The following PCDH15 variants were observed in gnomAD, a reference collection of about 807,000 sequenced individuals.
PCDH15 encodes protocadherin-15.
A neutral mutation model predicts 178.5 loss-of-function variants in PCDH15; 129 were observed. The observed-to-expected ratio is 0.72, with a 90% CI of 0.63 to 0.84. The LOEUF is 0.84. Ranked by LOEUF, PCDH15 falls within the 40% of genes least tolerant of loss-of-function variation. The pLI, the probability that PCDH15 is intolerant of heterozygous loss-of-function variation, is 0.00. For synonymous variants in PCDH15, 800 were observed against 732.0 expected (o/e 1.09, Z -1.50); for missense variants, 2,230 against 2,099.9 (o/e 1.06, Z -1.21).
chr10:53,805,500 T>C lies in PCDH15; in HGVS notation c.*1079A>G, dbSNP rs1227365827. The C allele has an allele frequency of 6.6e-6, 1 of 152,150 alleles. No homozygotes were observed. Among genetic ancestry groups the C allele is most frequent in the Non-Finnish European group, 1.5e-5 (1 of 68,006 alleles). The allele number at this position is 152,150 out of a possible 1,614,324, so 9.4% of individuals were successfully genotyped here. ...AAAAAATGCCCAGGCAATGATTTCC[T>C]GGTTCTGGATTTTAGGCACATAAAT... On this transcript the variant is annotated 3_prime_UTR_variant, in exon 38 of 38. Coordinates refer to ENST00000644397, the MANE Select transcript of PCDH15 (RefSeq NM_001384140.1).
chr10:55,280,299 A>C (rs1462324277), intron 1 of PCDH15, among the ~76,000 whole-genome samples: 1 of 90,236 alleles, frequency 1.1e-5, no homozygotes, highest in Non-Finnish European at 2.0e-5. Flanking sequence ...TTTTTTTGAG[A>C]CGGTGTTTTG....
At chr10:54,942,613 G>T (rs1029023043) in intron 2 of PCDH15, among the ~76,000 whole-genome samples, 1 of 151,942 alleles carries the variant, frequency 6.6e-6, no homozygotes, top group African/African-American at 2.4e-5. Flanking sequence ...ACTTATCACA[G>T]CCACACATCT....
intron 5 of PCDH15, among the ~76,000 whole-genome samples, chr10:54,348,144 G>A (rs778747330): frequency 3.3e-5 from 5 of 151,994 alleles, no homozygotes; most frequent in Admixed American, 6.5e-5. Context: ...CACCGCGCCC[G>A]GCTGACAACA....
intron 13 of PCDH15, among the ~76,000 whole-genome samples, chr10:54,165,909 A>G (rs991630109): frequency 5.3e-5 from 8 of 152,230 alleles, no homozygotes; most frequent in Non-Finnish European, 1.5e-5. Flanking sequence ...GTGCTCTAGG[A>G]AAGGAGATGA....
chr10:54,962,789 G>T (rs1838689214), intron 2 of PCDH15, among the ~76,000 whole-genome samples: 1 of 152,118 alleles, frequency 6.6e-6, no homozygotes, highest in Admixed American at 6.5e-5. Flanking sequence ...AGCAGGCATG[G>T]GATCCGGGAT....
chr10:53,846,177 G>C (rs944652437), intron 28 of PCDH15, among the ~76,000 whole-genome samples: 1 of 151,770 alleles, frequency 6.6e-6, no homozygotes, highest in Admixed American at 6.6e-5. Flanking sequence ...TGATTATGTC[G>C]AGCATTCTCA....
At chr10:55,598,267 G>A (rs1488246705) in intron 2 of PCDH15, among the ~76,000 whole-genome samples, 1 of 151,660 alleles carries the variant, frequency 6.6e-6, no homozygotes, top group Non-Finnish European at 1.5e-5. Flanking sequence ...CTACGAAAGG[G>A]ACTTTAATGT....
intron 2 of PCDH15, among the ~76,000 whole-genome samples, chr10:55,046,028 G>A (rs1313250512): frequency 6.6e-6 from 1 of 152,030 alleles, no homozygotes; most frequent in Non-Finnish European, 1.5e-5. Context: ...ATTAACTTTA[G>A]TGAAATTCTT....
chr10:54,087,516 T>C (rs1300208079), intron 16 of PCDH15, among the ~76,000 whole-genome samples: 1 of 152,206 alleles, frequency 6.6e-6, no homozygotes, highest in African/African-American at 2.4e-5. Flanking sequence ...ATTATATTAT[T>C]ACAGACAGGC....
intron 2 of PCDH15, among the ~76,000 whole-genome samples, chr10:54,907,164 A>T (rs3900931): frequency 0.97 from 147,826 of 152,196 alleles, 71,930 homozygotes; most frequent in East Asian, 1. Flanking sequence ...AAATGTATAT[A>T]TTTCTCTGGG....
chr10:54,062,958 T>G (rs1405340272), intron 18 of PCDH15, among the ~76,000 whole-genome samples: 1 of 152,208 alleles, frequency 6.6e-6, no homozygotes. Context: ...TTTAACTGAA[T>G]AGTTAATATA....
chr10:55,096,040 T>C (rs1227756773), intron 2 of PCDH15, among the ~76,000 whole-genome samples: 1 of 152,086 alleles, frequency 6.6e-6, no homozygotes, highest in African/African-American at 2.4e-5. Flanking sequence ...TTGATATATT[T>C]AGCAATCTCC....
At chr10:54,446,099 T>G (rs1417153435) in intron 3 of PCDH15, among the ~76,000 whole-genome samples, 1 of 151,564 alleles carries the variant, frequency 6.6e-6, no homozygotes, top group African/African-American at 2.4e-5. Context: ...CTTCATATGT[T>G]TCTCCTCTGA....
At chr10:54,754,517 T>C (rs1359515561) in intron 1 of PCDH15, among the ~76,000 whole-genome samples, 1 of 152,182 alleles carries the variant, frequency 6.6e-6, no homozygotes, top group Non-Finnish European at 1.5e-5. Flanking sequence ...ATTATTAAAT[T>C]AAGGAAAATT....
At chr10:54,400,352 T>C (rs1450070151) in intron 3 of PCDH15, among the ~76,000 whole-genome samples, 1 of 152,094 alleles carries the variant, frequency 6.6e-6, no homozygotes, top group Non-Finnish European at 1.5e-5. Context: ...GATAAAATAT[T>C]TCTTTACCCC....
chr10:54,256,863 T>G (rs1003440976), intron 8 of PCDH15, among the ~76,000 whole-genome samples: 1 of 152,174 alleles, frequency 6.6e-6, no homozygotes, highest in Admixed American at 6.5e-5. Flanking sequence ...TTCTTAATAG[T>G]ATGTATCAGT....
At chr10:54,721,054 G>A (rs1247439656) in intron 1 of PCDH15, among the ~76,000 whole-genome samples, 2 of 151,902 alleles carry the variant, frequency 1.3e-5, no homozygotes, top group East Asian at 1.9e-4. Flanking sequence ...GATCACAGTG[G>A]AATAAAATTA....
At chr10:54,278,023 A>G (rs2058448105) in intron 8 of PCDH15, among the ~76,000 whole-genome samples, 1 of 151,632 alleles carries the variant, frequency 6.6e-6, no homozygotes, top group African/African-American at 2.4e-5. Flanking sequence ...AATTCAGGAG[A>G]GAGATTCAAA....
At chr10:54,810,674 T>C (rs1397781151) in intron 3 of PCDH15, among the ~76,000 whole-genome samples, 1 of 152,190 alleles carries the variant, frequency 6.6e-6, no homozygotes, top group Non-Finnish European at 1.5e-5. Flanking sequence ...AATGAATGTG[T>C]TCTGCTAAAC....
Sources: gnomAD v4.1 joint callset for allele counts (sites outside exome capture counted in the v4.1 genomes callset) on GRCh38, gnomAD v4.1.1 for gene constraint, MANE v1.5 for transcripts, NCBI Gene and HGNC (gene_info 2026-07-23, HGNC 2026-07-21) for gene names.